The following CD244 variants were observed in gnomAD, a reference collection of about 807,000 sequenced individuals.
CD244 encodes CD244 molecule, also known as natural killer cell receptor 2B4.
Under a neutral mutation model 45.5 loss-of-function variants are expected in CD244, and 20 were observed. The observed-to-expected ratio is 0.44, with a 90% CI of 0.31 to 0.64. The LOEUF (loss-of-function observed/expected upper bound fraction) is 0.64, where lower values mean the gene tolerates loss of function less well. Among genes scored for constraint, CD244 ranks in the 30% least tolerant of loss-of-function variants. The pLI, the probability that CD244 is intolerant of heterozygous loss-of-function variation, is 0.08. For missense variants in CD244, 407 were observed against 426.9 expected, an observed-to-expected ratio of 0.95 and a Z score of 0.41; for synonymous variants, 185 against 160.5, an observed-to-expected ratio of 1.15 and a Z score of -1.15.
At chr1:160,851,875 C>A (rs916477528) in intron 1 of CD244, among the ~76,000 whole-genome samples, 1 of 151,956 alleles carries the variant, frequency 6.6e-6, no homozygotes, top group Non-Finnish European at 1.5e-5. Flanking sequence ...CACACACACA[C>A]AAAAATAAAT....
intron 1 of CD244, among the ~76,000 whole-genome samples, chr1:160,850,492 T>C (rs2101886222): frequency 6.6e-6 from 1 of 152,256 alleles, no homozygotes; most frequent in South Asian, 2.1e-4. Flanking sequence ...TATATGAAAA[T>C]GTAAAAGACA....
chr1:160,838,575 C>T, intron 4 of CD244, 57 bp from the exon 5 acceptor site: 3 of 1,247,428 alleles, frequency 2.4e-6, no homozygotes, highest in South Asian at 1.2e-5. Flanking sequence ...AGGGCTTTTG[C>T]TTCTAACAGG....
rs371170555 is a variant in CD244 at position 160,849,283 on chromosome 1, C to CTTTTTTTT, written c.62-7390_62-7383dup. Among the ~76,000 whole-genome samples the CTTTTTTTT allele has an allele frequency of 4.3e-5, 6 of 139,324 alleles. 1 individual carries two copies. Among genetic ancestry groups the CTTTTTTTT allele is most frequent in the Non-Finnish European group, 6.2e-5 (4 of 64,544 alleles). 91.4% of individuals were successfully genotyped at this position (139,324 alleles called of 152,430 possible). On this transcript the variant is annotated intron_variant, in intron 1 of 8. Transcript: ENST00000368034. The stretch of plus-strand genomic sequence containing the variant: ...CATTCACATTTGTACCCATCTCTTT[C>CTTTTTTTT]TTTTTTTTTTTTTTGTTTTACTTTA...
chr1:160,848,854 T>C (rs1669824239), intron 1 of CD244, among the ~76,000 whole-genome samples: 1 of 151,932 alleles, frequency 6.6e-6, no homozygotes, highest in Admixed American at 6.5e-5. Context: ...GTATCCTTTG[T>C]AATATCTCTT....
chr1:160,832,510 GA>G lies in CD244; in HGVS notation c.1017+8del. ...ACAGTAAACCCATTGAGGAGTTCCA[GA>G]ATCTTACCACTTCATAGATAGTGCT... On this transcript the variant is annotated splice_region_variant and intron_variant, in intron 8 of 8. Coordinates refer to ENST00000368034, the MANE Select transcript of CD244 (RefSeq NM_016382.4). 1 of 1,575,544 alleles carries G rather than the reference GA, an allele frequency of 6.3e-7. No individual in the cohort carries two copies. Among genetic ancestry groups the G allele is most frequent in the Non-Finnish European group, 8.7e-7 (1 of 1,153,010 alleles).
At chr1:160,855,966 C>T (rs746531336) in intron 1 of CD244, among the ~76,000 whole-genome samples, 24 of 152,120 alleles carry the variant, frequency 1.6e-4, no homozygotes, top group African/African-American at 5.6e-4. Flanking sequence ...ACCTGCCAGT[C>T]GGAGGAAGGT....
chr1:160,831,000 G>A lies in CD244; in HGVS notation c.*347C>T, dbSNP rs1669096195. ...CAGTCAACCCAGAGAGGGGAGAAAA[G>A]GAAACAAGTGACAGCTTGAAAATCA... is the stretch of plus-strand genomic sequence containing the variant. On this transcript the variant is annotated 3_prime_UTR_variant, in exon 9 of 9. Coordinates refer to ENST00000368034, the MANE Select transcript of CD244 (RefSeq NM_016382.4). 1 of 193,412 alleles carries A rather than the reference G, an allele frequency of 5.2e-6. No homozygotes were observed. The highest frequency in any genetic ancestry group is 1.1e-5 in the Non-Finnish European group (1 of 92,452). 12.0% of individuals were successfully genotyped at this position (193,412 alleles called of 1,614,324 possible). A position where few individuals can be genotyped will look rare whatever the true frequency, so the allele number is the denominator to read the frequency against.
chr1:160,832,435 C>A (rs1274680305), intron 8 of CD244, 84 bp downstream of exon 8: 1 of 826,268 alleles, frequency 1.2e-6, no homozygotes, highest in African/African-American at 1.7e-5. Context: ...TGTGAATGAT[C>A]TTTTCCTAAG....
At chr1:160,837,334 A>G (rs1445470350) in intron 5 of CD244, among the ~76,000 whole-genome samples, 3 of 152,220 alleles carry the variant, frequency 2.0e-5, no homozygotes, top group Non-Finnish European at 4.4e-5. Flanking sequence ...GCACCCGGGC[A>G]TCACTGGCTG....
At chr1:160,832,870 G>GTATATATATATATATATA (rs1553194340) in intron 7 of CD244, among the ~76,000 whole-genome samples, 62 of 117,908 alleles carry the variant, frequency 5.3e-4, no homozygotes, top group South Asian at 1.6e-3. Context: ...GTGTGTGTGT[G>GTATATATATATATATATA]TATATATATA....
intron 1 of CD244, among the ~76,000 whole-genome samples, chr1:160,849,829 A>G (rs1669859939): frequency 6.6e-6 from 1 of 152,180 alleles, no homozygotes; most frequent in Non-Finnish European, 1.5e-5. Context: ...CCTGGCCAAC[A>G]CAGTGAAACT....
chr1:160,839,343 A>T (rs1449905780), intron 3 of CD244, among the ~76,000 whole-genome samples: 1 of 152,208 alleles, frequency 6.6e-6, no homozygotes, highest in Non-Finnish European at 1.5e-5. Flanking sequence ...TTTTTGGAAG[A>T]TGCCTCAGAG....
At chr1:160,838,848 G>T in intron 4 of CD244, 91 bp downstream of exon 4, 1 of 827,766 alleles carries the variant, frequency 1.2e-6, no homozygotes, top group Non-Finnish European at 1.9e-6. Context: ...AGGAGATGCT[G>T]TGCTCCCAGA....
intron 3 of CD244, among the ~76,000 whole-genome samples, chr1:160,839,371 C>G (rs2101869113): frequency 6.6e-6 from 1 of 152,268 alleles, no homozygotes; most frequent in South Asian, 2.1e-4. Context: ...GATTTTCTCA[C>G]CTGTAAAAGG....
chr1:160,862,524 T>C (rs1316024480), intron 1 of CD244, 93 bp downstream of exon 1: 26 of 1,089,568 alleles, frequency 2.4e-5, no homozygotes, highest in Non-Finnish European at 3.6e-5. Flanking sequence ...GATGACTGTG[T>C]ATGTGGCACA....
At position 160,831,283 on chromosome 1, in the gene CD244, A is replaced by G; in HGVS notation, c.*64T>C. ...GTTCTATAGAGACTCCTGTGCCGTC[A>G]TCCACTGTGCCAATTCCCAAAGCAG... On this transcript the variant is annotated 3_prime_UTR_variant, in exon 9 of 9. Coordinates refer to ENST00000368034, the MANE Select transcript of CD244 (RefSeq NM_016382.4). 2.6e-6 allele frequency: 3 copies of G among 1,168,720 alleles called. No homozygotes were observed. 72.4% of individuals were successfully genotyped at this position (1,168,720 alleles called of 1,614,324 possible). A position where few individuals can be genotyped will look rare whatever the true frequency, so the allele number is the denominator to read the frequency against.
At chr1:160,836,135 G>C (rs1669321714) in intron 6 of CD244, 60 bp downstream of exon 6, 7 of 1,248,342 alleles carry the variant, frequency 5.6e-6, no homozygotes, top group Admixed American at 5.1e-5. Flanking sequence ...TGAGTTTCAG[G>C]GGGGCATTAG....
intron 3 of CD244, among the ~76,000 whole-genome samples, chr1:160,840,829 T>C (rs531141): frequency 0.084 from 12,860 of 152,196 alleles, 801 homozygotes; most frequent in South Asian, 0.23. Context: ...CACAGTGTAG[T>C]TACCTCTTGA....
At chr1:160,856,981 A>G (rs1423353164) in intron 1 of CD244, among the ~76,000 whole-genome samples, 1 of 152,246 alleles carries the variant, frequency 6.6e-6, no homozygotes, top group Non-Finnish European at 1.5e-5. Flanking sequence ...AGCAAAATGA[A>G]CAACCCAAGC....
Sources: allele counts gnomAD v4.1 joint callset (sites outside exome capture counted in the v4.1 genomes callset), GRCh38; gene constraint gnomAD v4.1.1; transcripts MANE v1.5; gene names NCBI Gene and HGNC (gene_info 2026-07-23, HGNC 2026-07-21).